Variants in ANKRD44 observed in about 807,000 individuals in gnomAD.
The protein encoded by ANKRD44 is serine/threonine-protein phosphatase 6 regulatory ankyrin repeat subunit B.
In ANKRD44, 35 loss-of-function variants were observed where a neutral mutation model predicts 116.0. That is an observed-to-expected ratio of 0.30 (90% confidence interval 0.23 to 0.40). ANKRD44 has a LOEUF of 0.40. Among genes scored for constraint, ANKRD44 ranks in the 10% least tolerant of loss-of-function variants. ANKRD44 has a pLI of 1.00. For missense variants in ANKRD44, 1,014 were observed against 1,242.6 expected (o/e 0.82, Z 2.77); for synonymous variants, 435 against 461.8 (o/e 0.94, Z 0.74).
At chr2:197,014,959 T>C (rs746626770) in intron 17 of ANKRD44, 15 of 167,888 alleles carry the variant, frequency 8.9e-5, no homozygotes, top group Non-Finnish European at 1.7e-4. Flanking sequence ...TCAGGTTATA[T>C]GGGGTGAAAT....
intron 2 of ANKRD44, among the ~76,000 whole-genome samples, chr2:197,174,587 T>TAA (rs920750656): frequency 6.6e-6 from 1 of 152,200 alleles, no homozygotes; most frequent in African/African-American, 2.4e-5. Flanking sequence ...AAGACAAGGA[T>TAA]AAAACTTCAG....
chr2:197,078,585 A>G (rs1397610603), intron 16 of ANKRD44, 118 bp downstream of exon 16: 2 of 1,531,434 alleles, frequency 1.3e-6, no homozygotes, highest in Admixed American at 4.0e-5. Flanking sequence ...ATCCTGATTC[A>G]TGGACCCACT....
intron 25 of ANKRD44, among the ~76,000 whole-genome samples, chr2:196,996,902 C>CA (rs55760106): frequency 0.68 from 60,907 of 89,420 alleles, 22,133 homozygotes; most frequent in East Asian, 0.91. Flanking sequence ...GACTCTGCCT[C>CA]AAAAAAAAAA....
intron 9 of ANKRD44, among the ~76,000 whole-genome samples, chr2:197,104,947 G>A (rs7558182): frequency 0.055 from 8,372 of 152,238 alleles, 454 homozygotes; most frequent in African/African-American, 0.13. Flanking sequence ...CTTGCTGCCA[G>A]TAAGTTTACC....
intron 16 of ANKRD44, among the ~76,000 whole-genome samples, chr2:197,073,055 G>A (rs1211261892): frequency 1.3e-5 from 2 of 152,154 alleles, no homozygotes; most frequent in South Asian, 2.1e-4. Context: ...GACTGAGTGG[G>A]TAACGAGACA....
intron 2 of ANKRD44, among the ~76,000 whole-genome samples, chr2:197,153,225 C>CAAAAAAAAAAAAAAAAAAAAA (rs75600123): frequency 2.9e-5 from 2 of 69,352 alleles, no homozygotes; most frequent in African/African-American, 1.2e-4. Context: ...AAGACCCTGC[C>CAAAAAAAAAAAAAAAAAAAAA]AAAAAAAAAA....
At chr2:197,094,434 G>A (rs2078114955) in intron 10 of ANKRD44, among the ~76,000 whole-genome samples, 2 of 152,212 alleles carry the variant, frequency 1.3e-5, no homozygotes, top group Non-Finnish European at 2.9e-5. Context: ...ATGTTAGTAT[G>A]ATTGTTGCCC....
chr2:196,986,974 T>G lies in ANKRD44; in HGVS notation c.*2617A>C. 3 of 985,438 alleles carry G rather than the reference T, an allele frequency of 3.0e-6. No homozygotes were observed. Among genetic ancestry groups the G allele is most frequent in the Non-Finnish European group, 3.6e-6 (3 of 829,918 alleles). The allele number at this position is 985,438 out of a possible 1,614,324, so 61.0% of individuals were successfully genotyped here. A position where few individuals can be genotyped will look rare whatever the true frequency, so the allele number is the denominator to read the frequency against. On this transcript the variant is annotated 3_prime_UTR_variant, in exon 28 of 28. Transcript: ENST00000282272. ...TGTTACAAATATGTTATGCAAAATA[T>G]AACACTGGCACCAGATTTGTATCAT...
At chr2:197,152,841 C>T (rs2079688535) in intron 2 of ANKRD44, among the ~76,000 whole-genome samples, 1 of 152,150 alleles carries the variant, frequency 6.6e-6, no homozygotes, top group South Asian at 2.1e-4. Context: ...CCAAAACAAA[C>T]ATTCCACCCT....
chr2:197,068,370 T>G (rs187006730), intron 16 of ANKRD44, among the ~76,000 whole-genome samples: 996 of 70,370 alleles, frequency 0.014, 5 homozygotes, highest in Non-Finnish European at 0.022. Context: ...ATAAAAAAAA[T>G]AAAAAAAAGA....
At chr2:197,200,420 T>C (rs1230019962) in intron 1 of ANKRD44, among the ~76,000 whole-genome samples, 3 of 152,146 alleles carry the variant, frequency 2.0e-5, no homozygotes, top group East Asian at 1.9e-4. Context: ...GACATGTATA[T>C]GCTCAGGAGA....
At chr2:197,205,632 C>T (rs756314329) in intron 1 of ANKRD44, among the ~76,000 whole-genome samples, 7 of 152,132 alleles carry the variant, frequency 4.6e-5, no homozygotes, top group Non-Finnish European at 7.4e-5. Context: ...CTCCAAGTGC[C>T]GATGGTGGGC....
In ANKRD44 at chr2:196,989,658, G is replaced by A. The variant is rs768375795; in HGVS notation, c.2924-9C>T. 1 of 1,550,224 alleles carries A rather than the reference G, an allele frequency of 6.5e-7. No individual in the cohort carries two copies. Among genetic ancestry groups the A allele is most frequent in the South Asian group, 1.2e-5 (1 of 84,060 alleles). On this transcript the variant is annotated splice_polypyrimidine_tract_variant and intron_variant, in intron 27 of 27. Coordinates refer to ENST00000282272, the MANE Select transcript of ANKRD44 (RefSeq NM_001195144.2). ...TCCATTTGACCTAGAAGCTTTGGCA[G>A]AGGGAGCAGACACAGTATTCACTAT...
intron 2 of ANKRD44, among the ~76,000 whole-genome samples, chr2:197,175,695 C>A (rs1043818377): frequency 6.6e-6 from 1 of 152,128 alleles, no homozygotes; most frequent in Non-Finnish European, 1.5e-5. Context: ...CAAGAAAGTA[C>A]ACAATGAAGT....
intron 2 of ANKRD44, among the ~76,000 whole-genome samples, chr2:197,180,258 G>A (rs192766605): frequency 1.2e-3 from 184 of 152,328 alleles, no homozygotes; most frequent in African/African-American, 4.1e-3. Flanking sequence ...GTGACCTGCA[G>A]GCCGGATTTG....
chr2:197,081,571 G>A (rs1201890145), intron 15 of ANKRD44, 74 bp downstream of exon 15: 1 of 1,336,538 alleles, frequency 7.5e-7, no homozygotes, highest in African/African-American at 1.5e-5. Flanking sequence ...AGTAAGGCAG[G>A]CAACGTGGCA....
intron 16 of ANKRD44, among the ~76,000 whole-genome samples, chr2:197,035,485 G>A (rs1014687175): frequency 2.0e-5 from 3 of 152,210 alleles, no homozygotes; most frequent in Admixed American, 2.0e-4. Flanking sequence ...GATGGGAGAA[G>A]CTAGAAAACC....
chr2:197,238,925 G>T (rs1196583834), intron 1 of ANKRD44, among the ~76,000 whole-genome samples: 4 of 152,042 alleles, frequency 2.6e-5, no homozygotes, highest in Admixed American at 2.6e-4. Context: ...GGCTGGTCTT[G>T]AACTCCTGAC....
intron 21 of ANKRD44, among the ~76,000 whole-genome samples, chr2:197,003,269 C>T (rs1421496429): frequency 6.6e-6 from 1 of 151,984 alleles, no homozygotes; most frequent in Non-Finnish European, 1.5e-5. Context: ...CGAAATCACG[C>T]CACAAGCCTG....
Sources: gnomAD v4.1 joint callset for allele counts (sites outside exome capture counted in the v4.1 genomes callset) on GRCh38, gnomAD v4.1.1 for gene constraint, MANE v1.5 for transcripts, NCBI Gene and HGNC (gene_info 2026-07-23, HGNC 2026-07-21) for gene names.